The following PCDH9 variants were observed in gnomAD, a reference collection of about 807,000 sequenced individuals.
PCDH9 encodes protocadherin-9.
A neutral mutation model predicts 70.6 loss-of-function variants in PCDH9; 24 were observed. That is an observed-to-expected ratio of 0.34 (90% CI 0.25 to 0.48). The LOEUF (loss-of-function observed/expected upper bound fraction) is 0.48, where lower values mean the gene tolerates loss of function less well. PCDH9 is among the 20% of genes least tolerant of loss of function. The probability of loss-of-function intolerance (pLI) is 0.99; values close to 1 mark genes in which losing one functional copy is unlikely to be tolerated. For synonymous variants in PCDH9, 562 were observed against 558.5 expected (o/e 1.01, Z -0.09); for missense variants, 1,281 against 1,503.6 (o/e 0.85, Z 2.45).
At chr13:66,364,526 A>T (rs1956522213) in intron 4 of PCDH9, among the ~76,000 whole-genome samples, 2 of 152,170 alleles carry the variant, frequency 1.3e-5, no homozygotes, top group African/African-American at 2.4e-5. Flanking sequence ...GTTTATTTTT[A>T]AAAATTCTTT....
intron 4 of PCDH9, among the ~76,000 whole-genome samples, chr13:66,407,957 A>G (rs1388058624): frequency 2.0e-5 from 3 of 152,152 alleles, no homozygotes; most frequent in Admixed American, 6.5e-5. Context: ...ACTAGAATGC[A>G]GTGGATTGTA....
At chr13:66,624,917 T>G (rs2077478425) in intron 4 of PCDH9, among the ~76,000 whole-genome samples, 1 of 151,476 alleles carries the variant, frequency 6.6e-6, no homozygotes, top group South Asian at 2.1e-4. Context: ...TCTGCCACTA[T>G]GTACTTAACC....
chr13:67,197,436 A>G (rs370379018), intron 2 of PCDH9, among the ~76,000 whole-genome samples: 1 of 152,050 alleles, frequency 6.6e-6, no homozygotes, highest in South Asian at 2.1e-4. Context: ...TATTTGAAAT[A>G]CTCCAAGCTA....
intron 2 of PCDH9, among the ~76,000 whole-genome samples, chr13:67,087,065 A>G (rs1425501419): frequency 6.7e-6 from 1 of 149,376 alleles, no homozygotes; most frequent in Non-Finnish European, 1.5e-5. Context: ...GTAACCATCA[A>G]GAAGAGAGTT....
chr13:67,088,059 T>G (rs924799864), intron 2 of PCDH9, among the ~76,000 whole-genome samples: 1 of 151,858 alleles, frequency 6.6e-6, no homozygotes, highest in Non-Finnish European at 1.5e-5. Flanking sequence ...TTGCGGCTAC[T>G]CTGCAATGTG....
chr13:66,800,690 G>T (rs1007293716), intron 3 of PCDH9, among the ~76,000 whole-genome samples: 35 of 152,142 alleles, frequency 2.3e-4, no homozygotes, highest in Admixed American at 1.4e-3. Flanking sequence ...ACTGATTTTG[G>T]TTGACTGCCT....
chr13:66,491,756 A>C (rs1360841124), intron 4 of PCDH9, among the ~76,000 whole-genome samples: 1 of 152,094 alleles, frequency 6.6e-6, no homozygotes, highest in Non-Finnish European at 1.5e-5. Flanking sequence ...GTAAGTTTTT[A>C]ATGCAGGTTT....
intron 2 of PCDH9, among the ~76,000 whole-genome samples, chr13:67,129,374 G>T (rs575861054): frequency 6.6e-6 from 1 of 152,242 alleles, no homozygotes; most frequent in East Asian, 1.9e-4. Flanking sequence ...AATAATGCAT[G>T]ATAGACATGT....
chr13:66,918,643 G>C (rs1489646966), intron 2 of PCDH9, among the ~76,000 whole-genome samples: 1 of 150,992 alleles, frequency 6.6e-6, no homozygotes, highest in Non-Finnish European at 1.5e-5. Flanking sequence ...AAATAGAGAA[G>C]TAGAGTATGT....
chr13:66,890,453 T>C (rs898466412), intron 3 of PCDH9, among the ~76,000 whole-genome samples: 2 of 143,400 alleles, frequency 1.4e-5, no homozygotes, highest in Non-Finnish European at 3.0e-5. Flanking sequence ...CTGAACTTTT[T>C]TTTTTTTTTT....
chr13:66,746,291 T>A (rs2079362109), intron 3 of PCDH9, among the ~76,000 whole-genome samples: 1 of 152,200 alleles, frequency 6.6e-6, no homozygotes, highest in Non-Finnish European at 1.5e-5. Flanking sequence ...AGATTAACTT[T>A]AGGAATAATA....
chr13:66,423,177 AC>A (rs1317168933), intron 4 of PCDH9, among the ~76,000 whole-genome samples: 1 of 152,136 alleles, frequency 6.6e-6, no homozygotes, highest in African/African-American at 2.4e-5. Context: ...CAGCCTACCA[AC>A]CAAAAAAAGC....
chr13:66,369,589 T>A (rs1299875229), intron 4 of PCDH9, among the ~76,000 whole-genome samples: 1 of 152,248 alleles, frequency 6.6e-6, no homozygotes, highest in Middle Eastern at 3.4e-3. Flanking sequence ...ACTTATTTTT[T>A]GAAAAAGAAG....
intron 4 of PCDH9, among the ~76,000 whole-genome samples, chr13:66,473,727 C>T (rs1413580): frequency 0.021 from 3,198 of 152,214 alleles, 109 homozygotes; most frequent in African/African-American, 0.072. Flanking sequence ...AGCTAAAGCT[C>T]AAGTTATTAA....
intron 2 of PCDH9, among the ~76,000 whole-genome samples, chr13:66,940,183 C>A (rs2082984839): frequency 6.6e-6 from 1 of 152,104 alleles, no homozygotes; most frequent in African/African-American, 2.4e-5. Context: ...ATTCCAGTCC[C>A]ATTTCCAATT....
intron 3 of PCDH9, among the ~76,000 whole-genome samples, chr13:66,864,100 T>A (rs1276710720): frequency 6.6e-6 from 1 of 152,074 alleles, no homozygotes; most frequent in African/African-American, 2.4e-5. Context: ...CCCCCATAAT[T>A]CAATTATCCT....
chr13:67,169,254 C>G (rs2088210180), intron 2 of PCDH9, among the ~76,000 whole-genome samples: 1 of 152,146 alleles, frequency 6.6e-6, no homozygotes, highest in Non-Finnish European at 1.5e-5. Flanking sequence ...GAAAATCCAC[C>G]TTTTAGGTAA....
chr13:66,391,883 C>CATT (rs1555288202), intron 4 of PCDH9, among the ~76,000 whole-genome samples: 2 of 143,258 alleles, frequency 1.4e-5, no homozygotes, highest in Non-Finnish European at 3.0e-5. Flanking sequence ...GCCATATATG[C>CATT]ATATATATAT....
intron 3 of PCDH9, among the ~76,000 whole-genome samples, chr13:66,700,923 A>AATAT (rs58852431): frequency 0.025 from 1,442 of 58,072 alleles, 43 homozygotes; most frequent in Non-Finnish European, 0.029. Flanking sequence ...TGTACATATA[A>AATAT]ATATATATAT....
Sources: allele counts gnomAD v4.1 joint callset (sites outside exome capture counted in the v4.1 genomes callset), GRCh38; gene constraint gnomAD v4.1.1; transcripts MANE v1.5; gene names NCBI Gene and HGNC (gene_info 2026-07-23, HGNC 2026-07-21).